IRF3: variants seen among roughly 807,000 people sequenced by gnomAD.
IRF3 encodes the protein interferon regulatory factor 3.
Under a neutral mutation model 43.2 loss-of-function variants are expected in IRF3, and 29 were observed. The ratio of observed to expected loss-of-function variants is 0.67; its 90% CI spans 0.50 to 0.91. The LOEUF (loss-of-function observed/expected upper bound fraction) is 0.91, where lower values mean the gene tolerates loss of function less well. IRF3 is among the 40% of genes least tolerant of loss of function. IRF3 has a pLI of 0.00. For synonymous variants in IRF3, 228 were observed against 233.9 expected, an observed-to-expected ratio of 0.97 and a Z score of 0.23; for missense variants, 505 against 559.1, an observed-to-expected ratio of 0.90 and a Z score of 0.98.
rs553214016 is a variant in IRF3, at chr19:49,659,846, T to C, written c.1099-13A>G. On this transcript the variant is annotated splice_polypyrimidine_tract_variant and intron_variant, in intron 7 of 7. Transcript: ENST00000377139. Reference sequence around the variant, plus strand: ...ACGTGGGCACAACCTGCAGGGGAAGTGGGGACAGGAGTCAGGGAAAACACC... The same window carrying C: ...ACGTGGGCACAACCTGCAGGGGAAGCGGGGACAGGAGTCAGGGAAAACACC... The C allele has an allele frequency of 6.4e-7, 1 of 1,567,746 alleles. No homozygotes were observed. The highest frequency in any genetic ancestry group is 1.2e-5 in the South Asian group (1 of 84,052).
intron 2 of IRF3, chr19:49,663,787 C>A (rs1695932100): frequency 4.8e-6 from 2 of 419,312 alleles, no homozygotes; most frequent in Admixed American, 4.1e-5. Flanking sequence ...CTTCCGCCTC[C>A]CCGGTTCAAG....
intron 1 of IRF3, chr19:49,665,397 A>C: frequency 5.8e-6 from 1 of 172,148 alleles, no homozygotes; most frequent in Non-Finnish European, 1.3e-5. Flanking sequence ...TACGGAGTCC[A>C]CCCCTCCCTC....
chr19:49,665,798 T>C lies in IRF3; in HGVS notation c.-176A>G. 1 of 1,573,008 alleles carries C rather than the reference T, an allele frequency of 6.4e-7. No homozygotes were observed. Among genetic ancestry groups the C allele is most frequent in the African/African-American group, 1.4e-5 (1 of 73,598 alleles). On this transcript the variant is annotated 5_prime_UTR_variant, in exon 1 of 8. Transcript: ENST00000377139. ...CTTGAAATAAAACCAACTTTATCAT[T>C]CTTTGGGTAACAGACCCAAAAGCCG...
rs749372314 is a variant in IRF3, at chr19:49,663,370, G to A, written c.310C>T (p.His104Tyr). The A allele has an allele frequency of 6.2e-7, 1 of 1,614,236 alleles. No homozygotes were observed. Among genetic ancestry groups the A allele is most frequent in the East Asian group, 2.2e-5 (1 of 44,884 alleles). ...EDRSKDPHDP[H>Y]KIYEFVNSGV... ...GAGTTCACAAACTCGTAGATTTTAT[G>A]TGGGTCGTGAGGGTCCTTGCTCCGG... is the stretch of plus-strand genomic sequence containing the variant. The change falls in exon 3 of 8, where the codon CAT becomes TAT. Residue 104 changes from histidine (H) to tyrosine (Y), a missense_variant. Coordinates refer to ENST00000377139, the MANE Select transcript of IRF3 (RefSeq NM_001571.6).
intron 1 of IRF3, 153 bp from the exon 2 acceptor site, chr19:49,664,999 C>T: frequency 1.4e-6 from 1 of 733,980 alleles, no homozygotes; most frequent in Non-Finnish European, 2.2e-6. Flanking sequence ...CTCTTCCCAT[C>T]CTCCCATCCT....
rs2081367960 is a variant in IRF3 at position 49,662,274 on chromosome 19, G to A, written c.656C>T (p.Thr219Ile). The A allele has an allele frequency of 6.2e-7, 1 of 1,613,786 alleles. No individual in the cohort carries two copies. The highest frequency in any genetic ancestry group is 1.3e-5 in the African/African-American group (1 of 74,966). The change falls in exon 6 of 8, where the codon ACC becomes ATC. Residue 219 changes from threonine (T) to isoleucine (I), a missense_variant. By Grantham distance (89) the Thr-to-Ile change is moderately conservative. Coordinates refer to ENST00000377139, the MANE Select transcript of IRF3 (RefSeq NM_001571.6). ...FYRGRQVFQQTISCPEGLRLV... is the reference protein window; with the variant it reads ...FYRGRQVFQQIISCPEGLRLV... ...CCGCAGGCCCTCCGGGCAGGAGATG[G>A]TCTGCTGGAAGACTTGGCGGCCCCG...
chr19:49,664,637 G>C, intron 2 of IRF3, 37 bp downstream of exon 2: 1 of 1,609,222 alleles, frequency 6.2e-7, no homozygotes, highest in East Asian at 2.2e-5. Flanking sequence ...CCAGCGCGCA[G>C]CTCCGGGTTT....
intron 2 of IRF3, 68 bp from the exon 3 acceptor site, chr19:49,663,582 C>T (rs2081457999): frequency 2.0e-6 from 3 of 1,509,978 alleles, no homozygotes; most frequent in Admixed American, 3.6e-5. Flanking sequence ...GGCCCTAACC[C>T]TGTCTCCCGA....
Position 49,662,060 on chromosome 19 carries a change from G to C in IRF3, c.870C>G (p.His290Gln). Residue 290 changes from histidine (H) to glutamine (Q), a missense_variant, in exon 6 of 8, where the codon CAC (histidine) becomes CAG (glutamine). Coordinates refer to ENST00000377139, the MANE Select transcript of IRF3 (RefSeq NM_001571.6). ...WLWAQRLGHC[H>Q]TYWAVSEELL... ...GCTCCTCGCTCACTGCCCAGTATGT[G>C]TGGCAGTGCCCCAGCCGCTGGGCCC... 1 of 1,613,912 alleles carries C rather than the reference G, an allele frequency of 6.2e-7. No homozygotes were observed. The highest frequency in any genetic ancestry group is 8.5e-7 in the Non-Finnish European group (1 of 1,179,892).
chr19:49,664,792 A>G lies in IRF3; in HGVS notation c.47T>C (p.Leu16Pro), dbSNP rs1175683484. ...PRILPWLVSQ[L>P]DLGQLEGVAW... is the part of the protein sequence containing the mutation. ...CACGCCCTCCAGTTGCCCCAGGTCC[A>G]GCTGCGACACCAGCCAGGGCAGGAT... The change falls in exon 2 of 8, where the codon CTG becomes CCG. Residue 16 changes from leucine to proline, a missense_variant. Transcript: ENST00000377139. 2.5e-6 allele frequency: 4 copies of G among 1,613,932 alleles called. No homozygotes were observed. The highest frequency in any genetic ancestry group is 1.3e-5 in the African/African-American group (1 of 75,028).
At chr19:49,663,681 C>T in intron 2 of IRF3, 167 bp from the exon 3 acceptor site, 2 of 632,722 alleles carry the variant, frequency 3.2e-6, no homozygotes, top group Non-Finnish European at 5.4e-6. Context: ...CCATCCCCCA[C>T]CTCTAGTTTT....
intron 2 of IRF3, chr19:49,664,331 G>T: frequency 1.3e-6 from 1 of 757,016 alleles, no homozygotes; most frequent in Non-Finnish European, 2.0e-6. Context: ...TGGGGCTCCA[G>T]GCCTCACCTC....
At chr19:49,660,025 A>ACACACACACCCACC (rs1568451939) in intron 7 of IRF3, among the ~76,000 whole-genome samples, 192 bp from the exon 8 acceptor site, 10 of 110,190 alleles carry the variant, frequency 9.1e-5, no homozygotes, top group African/African-American at 4.3e-4. Flanking sequence ...ACACACACAC[A>ACACACACACCCACC]CACCCCCTGC....
At chr19:49,664,116 T>C (rs897791162) in intron 2 of IRF3, among the ~76,000 whole-genome samples, 13 of 152,210 alleles carry the variant, frequency 8.5e-5, no homozygotes, top group African/African-American at 2.9e-4. Flanking sequence ...TCCTCCCGCC[T>C]TGGCCTTGCA....
rs530671780 is a variant in IRF3 at position 49,661,056 on chromosome 19, A to G, written c.983-228T>C. ...CCCAAGCCCCCAAGCCTCAGCATTC[A>G]TAACAGGCCCAGAGTAGGGGGCCCA... On this transcript the variant is annotated intron_variant, in intron 6 of 7. Transcript: ENST00000377139. 145 of 545,544 alleles carry G rather than the reference A, an allele frequency of 2.7e-4. No homozygotes were observed. In the East Asian group the frequency reaches 4.5e-3, roughly 17 times the overall value. The allele number at this position is 545,544 out of a possible 1,614,324, so 33.8% of individuals were successfully genotyped here. A position where few individuals can be genotyped will look rare whatever the true frequency, so the allele number is the denominator to read the frequency against.
intron 2 of IRF3, among the ~76,000 whole-genome samples, chr19:49,664,213 C>CT (rs1304115781): frequency 2.0e-5 from 3 of 152,190 alleles, no homozygotes; most frequent in African/African-American, 7.2e-5. Context: ...AACTTGGTGT[C>CT]TAATCCCGTG....
At position 49,665,752 on chromosome 19, in the gene IRF3, G is replaced by A. The variant is rs1032875280; in HGVS notation, c.-130C>T. The A allele has an allele frequency of 2.0e-6, 3 of 1,530,454 alleles. No homozygotes were observed. The highest frequency in any genetic ancestry group is 2.5e-5 in the South Asian group (2 of 80,190). The allele number at this position is 1,530,454 out of a possible 1,614,324, so 94.8% of individuals were successfully genotyped here. On this transcript the variant is annotated 5_prime_UTR_variant, in exon 1 of 8. Transcript: ENST00000377139. ...CGTCAGCTGAGCTCTAGAGCGCTGG[G>A]GCTTTCTTTTTGATCGACTTCTTGA...
chr19:49,659,994 C>CAA (rs1555753040), intron 7 of IRF3, among the ~76,000 whole-genome samples, 161 bp from the exon 8 acceptor site: 1 of 99,212 alleles, frequency 1.0e-5, no homozygotes, highest in Admixed American at 9.7e-5. Flanking sequence ...TACACACACA[C>CAA]ACACACACAC....
chr19:49,664,446 C>A (rs763860251), intron 2 of IRF3: 4 of 1,511,312 alleles, frequency 2.6e-6, no homozygotes, highest in Non-Finnish European at 3.5e-6. Context: ...TACTAACCGG[C>A]TTTCCCGGTT....
Sources: allele counts gnomAD v4.1 joint callset (sites outside exome capture counted in the v4.1 genomes callset), GRCh38; gene constraint gnomAD v4.1.1; transcripts MANE v1.5; gene names NCBI Gene and HGNC (gene_info 2026-07-23, HGNC 2026-07-21).